TMEM163: variants seen among roughly 807,000 people sequenced by gnomAD.
TMEM163 encodes the protein transmembrane protein 163.
TMEM163 carries 17 observed loss-of-function variants against 29.3 expected under a neutral mutation model. The observed-to-expected ratio is 0.58, with a 90% CI of 0.40 to 0.87. The LOEUF (loss-of-function observed/expected upper bound fraction) is 0.87. Among genes scored for constraint, TMEM163 ranks in the 40% least tolerant of loss-of-function variants. The probability of loss-of-function intolerance (pLI) is 0.00; values close to 1 mark genes in which losing one functional copy is unlikely to be tolerated. For missense variants in TMEM163, 303 were observed against 381.5 expected, an observed-to-expected ratio of 0.79 and a Z score of 1.71; for synonymous variants, 157 against 160.6, an observed-to-expected ratio of 0.98 and a Z score of 0.17.
intron 5 of TMEM163, among the ~76,000 whole-genome samples, chr2:134,493,011 G>A (rs1268224009): frequency 6.6e-6 from 1 of 152,256 alleles, no homozygotes; most frequent in Non-Finnish European, 1.5e-5. Flanking sequence ...TTGGTTTTGG[G>A]GGGTTTTCAT....
chr2:134,590,921 T>C (rs955078087), intron 2 of TMEM163, among the ~76,000 whole-genome samples: 14 of 152,278 alleles, frequency 9.2e-5, no homozygotes, highest in African/African-American at 2.9e-4. Flanking sequence ...GCCTAAGACA[T>C]GCCCACAGCT....
At chr2:134,575,517 G>A (rs1275812284) in intron 2 of TMEM163, among the ~76,000 whole-genome samples, 1 of 152,294 alleles carries the variant, frequency 6.6e-6, no homozygotes, top group East Asian at 1.9e-4. Flanking sequence ...AGAGGAGAGA[G>A]GCACACACAC....
At chr2:134,551,263 T>C (rs982218487) in intron 3 of TMEM163, among the ~76,000 whole-genome samples, 1 of 151,874 alleles carries the variant, frequency 6.6e-6, no homozygotes, top group African/African-American at 2.4e-5. Context: ...TACGTGTGTA[T>C]ATGTGGTATG....
At chr2:134,484,258 A>ACGAAATTCTCAGAACAC in intron 5 of TMEM163, among the ~76,000 whole-genome samples, 1 of 152,360 alleles carries the variant, frequency 6.6e-6, no homozygotes, top group South Asian at 2.1e-4. Context: ...AAGGCGAATA[A>ACGAAATTCTCAGAACAC]CGAAATTCTC....
rs1048338626 is a variant in TMEM163, at chr2:134,633,410, T to C, written c.322+79790A>G. On this transcript the variant is annotated intron_variant, in intron 2 of 7. Transcript: ENST00000281924. ...CAAATCTTAGTGACTGGCAGAATCA[T>C]GTTGCCAAGAGCAGAAACCCTGAGG... Among the ~76,000 whole-genome samples the C allele has an allele frequency of 3.3e-5, 5 of 152,100 alleles. No individual in the cohort carries two copies. The East Asian group carries it at 7.7e-4, about 23-fold the overall frequency.
intron 2 of TMEM163, among the ~76,000 whole-genome samples, chr2:134,655,536 CT>C (rs1345479117): frequency 7.1e-6 from 1 of 140,180 alleles, no homozygotes; most frequent in African/African-American, 3.0e-5. Flanking sequence ...CTGAAGCCTT[CT>C]TCTCTCAGCT....
rs1369657232 is a variant in TMEM163, at chr2:134,713,298, C to A, written c.224G>T (p.Arg75Leu). The A allele has an allele frequency of 6.2e-7, 1 of 1,614,040 alleles. No individual in the cohort carries two copies. The highest frequency in any genetic ancestry group is 1.7e-5 in the Admixed American group (1 of 60,014). ...EDRGLLESST[R>L]LKPHEAQNYR... ...GTTCTGGGCTTCGTGAGGTTTCAGG[C>A]GGGTGCTGCTTTCTAGTAAGCCTGA... Residue 75 changes from arginine (R) to leucine (L), a missense_variant, in exon 2 of 8, where the codon CGC (arginine) becomes CTC (leucine). Physicochemically the swap from Arg to Leu is moderately radical, Grantham distance 102 (BLOSUM62 -2). Around this residue, in one of 2 missense-constraint regions of TMEM163, gnomAD observed 203 missense variants for 294.3 expected, o/e 0.69. Coordinates refer to ENST00000281924, the MANE Select transcript of TMEM163 (RefSeq NM_030923.5).
chr2:134,718,927 C>G lies in TMEM163; in HGVS notation c.9G>C (p.Pro3=). 9.5e-7 allele frequency: 1 copy of G among 1,054,238 alleles called. No homozygotes were observed. The highest frequency in any genetic ancestry group is 1.1e-6 in the Non-Finnish European group (1 of 876,406). The allele number at this position is 1,054,238 out of a possible 1,614,324, so 65.3% of individuals were successfully genotyped here. A position where few individuals can be genotyped will look rare whatever the true frequency, so the allele number is the denominator to read the frequency against. Residue 3 remains proline, a synonymous_variant, in exon 1 of 8, where the codon CCG becomes CCC. Coordinates refer to ENST00000281924, the MANE Select transcript of TMEM163 (RefSeq NM_030923.5). ...AGCTGCGGCGCTGGATGCCCGCGGCCGGCTCCATGGCGCGGGGCTGCGGAT... is the reference window on the plus strand; with the variant it reads ...AGCTGCGGCGCTGGATGCCCGCGGCGGGCTCCATGGCGCGGGGCTGCGGAT... ME[P]AAGIQRRSSQ...
intron 3 of TMEM163, 151 bp from the exon 4 acceptor site, chr2:134,550,812 GC>G: frequency 2.7e-6 from 2 of 732,782 alleles, no homozygotes. Context: ...GCCACTTACT[GC>G]CCTCATGCCT....
At chr2:134,661,219 C>T (rs896094640) in intron 2 of TMEM163, among the ~76,000 whole-genome samples, 2 of 152,142 alleles carry the variant, frequency 1.3e-5, no homozygotes, top group Non-Finnish European at 2.9e-5. Context: ...GTGATGCCTT[C>T]TGTCACTTGA....
chr2:134,494,520 G>A (rs1384986384), intron 5 of TMEM163, among the ~76,000 whole-genome samples: 1 of 152,156 alleles, frequency 6.6e-6, no homozygotes, highest in Non-Finnish European at 1.5e-5. Flanking sequence ...GAGCTGAGAA[G>A]AGCGTCCCTG....
intron 2 of TMEM163, among the ~76,000 whole-genome samples, chr2:134,605,246 A>G (rs991064429): frequency 2.6e-5 from 4 of 151,824 alleles, no homozygotes; most frequent in African/African-American, 9.7e-5. Context: ...GGGCCTTCTG[A>G]TTGAGCATAA....
At chr2:134,476,355 G>A (rs1686912281) in intron 5 of TMEM163, among the ~76,000 whole-genome samples, 2 of 152,182 alleles carry the variant, frequency 1.3e-5, no homozygotes, top group Admixed American at 1.3e-4. Flanking sequence ...TCATTCTGGG[G>A]ATGATGGAAA....
chr2:134,583,646 T>A lies in TMEM163; in HGVS notation c.323-31555A>T, dbSNP rs1331570993. ...GGGTTCACCACATCCATGCAGCTACTGTCAGCCATGCTGTAAAACCACTAA... is the reference window on the plus strand; with the variant it reads ...GGGTTCACCACATCCATGCAGCTACAGTCAGCCATGCTGTAAAACCACTAA... On this transcript the variant is annotated intron_variant, in intron 2 of 7. Coordinates refer to ENST00000281924, the MANE Select transcript of TMEM163 (RefSeq NM_030923.5). 2.0e-5 allele frequency among the ~76,000 whole-genome samples: 3 copies of A among 152,206 alleles called. No individual in the cohort carries two copies. In the East Asian group the frequency reaches 5.8e-4, roughly 29 times the overall value.
chr2:134,707,540 G>A (rs539281091), intron 2 of TMEM163, among the ~76,000 whole-genome samples: 2 of 152,196 alleles, frequency 1.3e-5, no homozygotes, highest in Non-Finnish European at 2.9e-5. Flanking sequence ...TCCACATGCA[G>A]AATGTCAGCT....
At chr2:134,494,832 G>A (rs929456906) in intron 5 of TMEM163, among the ~76,000 whole-genome samples, 1 of 152,170 alleles carries the variant, frequency 6.6e-6, no homozygotes, top group South Asian at 2.1e-4. Flanking sequence ...CCTATGCTCC[G>A]GGTCCCCCAG....
At chr2:134,494,832 G>T (rs929456906) in intron 5 of TMEM163, among the ~76,000 whole-genome samples, 2 of 152,170 alleles carry the variant, frequency 1.3e-5, no homozygotes, top group African/African-American at 4.8e-5. Flanking sequence ...CCTATGCTCC[G>T]GGTCCCCCAG....
intron 2 of TMEM163, among the ~76,000 whole-genome samples, chr2:134,588,413 C>T (rs1476697371): frequency 6.6e-6 from 1 of 152,172 alleles, no homozygotes; most frequent in African/African-American, 2.4e-5. Flanking sequence ...CAAAGTCAAA[C>T]AGAAAAGACA....
intron 4 of TMEM163, among the ~76,000 whole-genome samples, chr2:134,539,332 C>T (rs967976367): frequency 4.6e-5 from 7 of 152,164 alleles, no homozygotes; most frequent in South Asian, 2.1e-4. Flanking sequence ...GAATTCCATT[C>T]GATGCAATTT....
Sources: allele counts gnomAD v4.1 joint callset (sites outside exome capture counted in the v4.1 genomes callset), GRCh38; gene constraint gnomAD v4.1.1; regional missense constraint gnomAD v4.1.1; transcripts MANE v1.5; gene names NCBI Gene and HGNC (gene_info 2026-07-23, HGNC 2026-07-21).